Variants in RANBP2 observed in about 807,000 individuals in gnomAD.
RANBP2 encodes E3 SUMO-protein ligase RanBP2.
A neutral mutation model predicts 303.6 loss-of-function variants in RANBP2; 57 were observed. That is an observed-to-expected ratio of 0.19 (90% confidence interval 0.15 to 0.23). The LOEUF (loss-of-function observed/expected upper bound fraction) is 0.23. Ranked by LOEUF, RANBP2 falls within the 10% of genes least tolerant of loss-of-function variation. The probability of loss-of-function intolerance (pLI) is 1.00; values close to 1 mark genes in which losing one functional copy is unlikely to be tolerated. For missense variants in RANBP2, 3,138 were observed against 3,780.8 expected, an observed-to-expected ratio of 0.83 and a Z score of 4.46; for synonymous variants, 1,167 against 1,301.5, an observed-to-expected ratio of 0.90 and a Z score of 2.23.
At chr2:109,572,897 G>A in the RANBP2 span, among the ~76,000 whole-genome samples, 1 of 152,150 alleles carries the variant, frequency 6.6e-6, no homozygotes, top group Non-Finnish European at 1.5e-5. Context: ...TTACAGGCAT[G>A]AGCAACCATG....
chr2:108,869,142 C>G, the RANBP2 span, among the ~76,000 whole-genome samples: 1 of 151,896 alleles, frequency 6.6e-6, no homozygotes, highest in African/African-American at 2.4e-5. Context: ...TGCTTGTTTC[C>G]CCACAGAAAC....
At chr2:108,730,695 T>C (rs1695096742) in intron 2 of RANBP2, 79 bp from the exon 3 acceptor site, 3 of 1,544,064 alleles carry the variant, frequency 1.9e-6, no homozygotes, top group Non-Finnish European at 2.7e-6. Flanking sequence ...GTTGCTTTGG[T>C]TTAAGATGTA....
chr2:109,150,504 T>C, the RANBP2 span, among the ~76,000 whole-genome samples: 36 of 152,354 alleles, frequency 2.4e-4, no homozygotes, highest in African/African-American at 8.7e-4. Context: ...ATTCAACTTA[T>C]TAATTCACTT....
At chr2:109,353,871 T>C in the RANBP2 span, among the ~76,000 whole-genome samples, 1 of 152,058 alleles carries the variant, frequency 6.6e-6, no homozygotes, top group Non-Finnish European at 1.5e-5. Context: ...GGCCGCAGGT[T>C]CCCCTCAGCC....
the RANBP2 span, among the ~76,000 whole-genome samples, chr2:109,624,233 G>A: frequency 6.6e-6 from 1 of 152,216 alleles, no homozygotes; most frequent in African/African-American, 2.4e-5. Flanking sequence ...AGCAGGTAGA[G>A]GCCATCTGGC....
At chr2:109,671,538 C>A in the RANBP2 span, among the ~76,000 whole-genome samples, 1 of 152,148 alleles carries the variant, frequency 6.6e-6, no homozygotes, top group East Asian at 1.9e-4. Flanking sequence ...AAGGAGGAGT[C>A]CTCCCCCTTC....
chr2:108,951,904 A>G, the RANBP2 span, among the ~76,000 whole-genome samples: 22 of 152,360 alleles, frequency 1.4e-4, no homozygotes, highest in African/African-American at 5.0e-4. Context: ...TGAATGGTGT[A>G]CAATGATGAG....
the RANBP2 span, among the ~76,000 whole-genome samples, chr2:109,044,022 C>T: frequency 6.6e-6 from 1 of 152,090 alleles, no homozygotes; most frequent in African/African-American, 2.4e-5. Context: ...CCCCACACAA[C>T]AGGTTGCCTG....
At chr2:108,758,024 G>A (rs1339154223) in intron 17 of RANBP2, among the ~76,000 whole-genome samples, 4 of 152,150 alleles carry the variant, frequency 2.6e-5, no homozygotes, top group Non-Finnish European at 5.9e-5. Context: ...AGGTCCGGGC[G>A]TGGTGGGTCA....
At chr2:109,447,068 C>T in the RANBP2 span, among the ~76,000 whole-genome samples, 1 of 149,720 alleles carries the variant, frequency 6.7e-6, no homozygotes, top group African/African-American at 2.5e-5. Flanking sequence ...GCCTGACCTG[C>T]TCTCCTTGTA....
Position 108,736,092 on chromosome 2 carries a change from T to C in RANBP2, c.637-12T>C. The C allele has an allele frequency of 6.2e-7, 1 of 1,611,770 alleles. No homozygotes were observed. Among genetic ancestry groups the C allele is most frequent in the Non-Finnish European group, 8.5e-7 (1 of 1,179,774 alleles). On this transcript the variant is annotated splice_polypyrimidine_tract_variant and intron_variant, in intron 5 of 28. Coordinates refer to ENST00000283195, the MANE Select transcript of RANBP2 (RefSeq NM_006267.5). ...TTAAGTTTTGTAACTTACTGTTCATTCCACAAAATAGGAATATCTGGAGTC... is the reference window on the plus strand; with the variant it reads ...TTAAGTTTTGTAACTTACTGTTCATCCCACAAAATAGGAATATCTGGAGTC...
chr2:108,828,505 G>C, the RANBP2 span, among the ~76,000 whole-genome samples: 36 of 152,300 alleles, frequency 2.4e-4, no homozygotes, highest in Non-Finnish European at 4.4e-4. Context: ...CATAAGACAT[G>C]TAGACCAATG....
At chr2:109,372,510 T>C in the RANBP2 span, among the ~76,000 whole-genome samples, 1 of 152,230 alleles carries the variant, frequency 6.6e-6, no homozygotes, top group Non-Finnish European at 1.5e-5. Context: ...GCCAGACACT[T>C]GGAAGTACCT....
At chr2:109,649,357 AT>A in the RANBP2 span, among the ~76,000 whole-genome samples, 2 of 152,040 alleles carry the variant, frequency 1.3e-5, no homozygotes, top group Non-Finnish European at 2.9e-5. Context: ...CTTTAAATCT[AT>A]TGTAGGGATT....
the RANBP2 span, among the ~76,000 whole-genome samples, chr2:109,372,662 C>T: frequency 3.3e-5 from 5 of 152,366 alleles, no homozygotes; most frequent in East Asian, 7.7e-4. Flanking sequence ...AAGGTTTCAG[C>T]GCGGGCCTCT....
At chr2:109,166,623 G>A in the RANBP2 span, among the ~76,000 whole-genome samples, 3 of 152,206 alleles carry the variant, frequency 2.0e-5, no homozygotes, top group African/African-American at 7.2e-5. Context: ...AGACATTCCA[G>A]TGAGGGAGTG....
the RANBP2 span, among the ~76,000 whole-genome samples, chr2:109,064,973 GC>G: frequency 6.6e-6 from 1 of 152,198 alleles, no homozygotes; most frequent in African/African-American, 2.4e-5. Context: ...GCAGGCAGGA[GC>G]CTTGGGGTTT....
At chr2:108,953,567 G>A in the RANBP2 span, among the ~76,000 whole-genome samples, 1 of 152,074 alleles carries the variant, frequency 6.6e-6, no homozygotes, top group African/African-American at 2.4e-5. Context: ...GATGACAGTT[G>A]CAGTTACCTC....
At chr2:109,303,791 G>A in the RANBP2 span, among the ~76,000 whole-genome samples, 1 of 152,200 alleles carries the variant, frequency 6.6e-6, no homozygotes, top group Non-Finnish European at 1.5e-5. Context: ...GAGTCTGGGG[G>A]TGAGTCTGTG....
Sources: allele counts gnomAD v4.1 joint callset (sites outside exome capture counted in the v4.1 genomes callset), GRCh38; gene constraint gnomAD v4.1.1; transcripts MANE v1.5; gene names NCBI Gene and HGNC (gene_info 2026-07-23, HGNC 2026-07-21).